The following AGPAT4 variants were observed in gnomAD, a reference collection of about 807,000 sequenced individuals.
The protein encoded by AGPAT4 is 1-acyl-sn-glycerol-3-phosphate acyltransferase delta.
Under a neutral mutation model 48.0 loss-of-function variants are expected in AGPAT4, and 15 were observed. That is an observed-to-expected ratio of 0.31 (90% confidence interval 0.21 to 0.48). The LOEUF (loss-of-function observed/expected upper bound fraction) is 0.48. Among genes scored for constraint, AGPAT4 ranks in the 20% least tolerant of loss-of-function variants. The probability of loss-of-function intolerance (pLI) is 0.99; values close to 1 mark genes in which losing one functional copy is unlikely to be tolerated. For missense variants in AGPAT4, 314 were observed against 482.5 expected, an observed-to-expected ratio of 0.65 and a Z score of 3.27; for synonymous variants, 178 against 198.7, an observed-to-expected ratio of 0.90 and a Z score of 0.88.
chr6:161,153,191 C>A (rs1330560392), intron 5 of AGPAT4, among the ~76,000 whole-genome samples, 155 bp downstream of exon 5: 2 of 152,230 alleles, frequency 1.3e-5, no homozygotes, highest in Non-Finnish European at 2.9e-5. Context: ...GACCTTGGTT[C>A]CCAGTCACAG....
chr6:161,265,659 C>G lies in AGPAT4; in HGVS notation c.-90+8279G>C, dbSNP rs540167115. ...CTTGAGATATGTTAATCTGTTCACT[C>G]CAGAGAGGTTTGGAAAAGGAGGCTC... On this transcript the variant is annotated intron_variant, in intron 1 of 8. Coordinates refer to ENST00000320285, the MANE Select transcript of AGPAT4 (RefSeq NM_020133.3). Among the ~76,000 whole-genome samples the G allele has an allele frequency of 2.0e-5, 3 of 152,212 alleles. No homozygotes were observed. The South Asian group carries it at 6.2e-4, about 32-fold the overall frequency.
Position 161,205,795 on chromosome 6 carries a change from C to T in AGPAT4, c.178+26241G>A, listed in dbSNP as rs527732859. Among the ~76,000 whole-genome samples, 246 of 151,726 alleles carry T rather than the reference C, an allele frequency of 1.6e-3. 9 individuals are homozygous for T. In the South Asian group the frequency reaches 0.048, roughly 30 times the overall value. ...ACATGCCAACATAAAACCTTTTATT[C>T]TTTTTTGATCTTCTTTTCAGAGTTG... On this transcript the variant is annotated intron_variant, in intron 2 of 8. Coordinates refer to ENST00000320285, the MANE Select transcript of AGPAT4 (RefSeq NM_020133.3).
intron 2 of AGPAT4, among the ~76,000 whole-genome samples, chr6:161,173,114 G>A (rs1193780319): frequency 6.6e-6 from 1 of 152,202 alleles, no homozygotes; most frequent in Non-Finnish European, 1.5e-5. Flanking sequence ...ATGTGTACAT[G>A]TGTCTTTATA....
rs185245541 is a variant in AGPAT4 at position 161,196,468 on chromosome 6, G to T, written c.179-30051C>A. On this transcript the variant is annotated intron_variant, in intron 2 of 8. Coordinates refer to ENST00000320285, the MANE Select transcript of AGPAT4 (RefSeq NM_020133.3). This position sits in a 1 kb window ranked among gnomAD's most constrained non-coding sequence, Gnocchi z 4.3. ...ATAGGTCTGAAGCAACAGAGTTAGG[G>T]CAAAGACTAGAGTTACAAGTCACAG... Among the ~76,000 whole-genome samples the T allele has an allele frequency of 1.6e-4, 24 of 152,184 alleles. No homozygotes were observed.
rs978802494 is a variant in AGPAT4 at position 161,184,730 on chromosome 6, T to C, written c.179-18313A>G. On this transcript the variant is annotated intron_variant, in intron 2 of 8. Coordinates refer to ENST00000320285, the MANE Select transcript of AGPAT4 (RefSeq NM_020133.3). The surrounding 1 kb of genome is among the most constrained non-coding windows in gnomAD (Gnocchi z 4.8). The stretch of plus-strand genomic sequence containing the variant: ...TTTACCTGCCAGGTTTCCACCCATC[T>C]GGGCACTTGGCAAGACTAGAAATCT... Among the ~76,000 whole-genome samples, 1 of 152,156 alleles carries C rather than the reference T, an allele frequency of 6.6e-6. No individual in the cohort carries two copies. Among genetic ancestry groups the C allele is most frequent in the Non-Finnish European group, 1.5e-5 (1 of 68,030 alleles).
rs1298628782 is a variant in AGPAT4, at chr6:161,215,997, C to T, written c.178+16039G>A. On this transcript the variant is annotated intron_variant, in intron 2 of 8. Transcript: ENST00000320285. The surrounding 1 kb of genome is among the most constrained non-coding windows in gnomAD (Gnocchi z 4.5). Reference sequence around the variant, plus strand: ...CTAGAGCTGGAAAGCTGTCCAGGCTCACACATACTTGCCTCTCTTAACCGC... The same window carrying T: ...CTAGAGCTGGAAAGCTGTCCAGGCTTACACATACTTGCCTCTCTTAACCGC... Among the ~76,000 whole-genome samples, 1 of 152,186 alleles carries T rather than the reference C, an allele frequency of 6.6e-6. No individual in the cohort carries two copies. Among genetic ancestry groups the T allele is most frequent in the East Asian group, 1.9e-4 (1 of 5,182 alleles).
In AGPAT4 at chr6:161,158,872, C is replaced by T. The variant is rs1158670238; in HGVS notation, c.349-4562G>A. ...ATCCTGCTCCTGCACCGCCTCCACC[C>T]CCACTAACACCAGCAAGGAACCCCT... is the stretch of plus-strand genomic sequence containing the variant. On this transcript the variant is annotated intron_variant, in intron 3 of 8. Transcript: ENST00000320285. This position sits in a 1 kb window ranked among gnomAD's most constrained non-coding sequence, Gnocchi z 5.3. 6.6e-6 allele frequency among the ~76,000 whole-genome samples: 1 copy of T among 152,198 alleles called. No individual in the cohort carries two copies. The highest frequency in any genetic ancestry group is 1.5e-5 in the Non-Finnish European group (1 of 68,024).
At position 161,149,170 on chromosome 6, in the gene AGPAT4, G is replaced by T. The variant is rs1779519738; in HGVS notation, c.767+17C>A. ...AATGGGCACTGTCTTTTCTGGAAAG[G>T]AAACAGTTCGACTTACCTAACATAC... On this transcript the variant is annotated intron_variant, in intron 6 of 8. Transcript: ENST00000320285. This position sits in a 1 kb window ranked among gnomAD's most constrained non-coding sequence, Gnocchi z 6.5. 1.2e-6 allele frequency: 2 copies of T among 1,608,418 alleles called. No homozygotes were observed. The highest frequency in any genetic ancestry group is 2.7e-5 in the African/African-American group (2 of 74,688).
At position 161,272,705 on chromosome 6, in the gene AGPAT4, A is replaced by AACGCACACAC. The variant is rs10646379; in HGVS notation, c.-90+1232_-90+1233insGTGTGTGCGT. ...TCCCTGCCCGCCTCCCATTTCCCTA[A>AACGCACACAC]ACACACACACACACACACACACACA... On this transcript the variant is annotated intron_variant, in intron 1 of 8. Coordinates refer to ENST00000320285, the MANE Select transcript of AGPAT4 (RefSeq NM_020133.3). The surrounding 1 kb of genome is among the most constrained non-coding windows in gnomAD (Gnocchi z 4.2). Among the ~76,000 whole-genome samples, 7 of 147,084 alleles carry AACGCACACAC rather than the reference A, an allele frequency of 4.8e-5. No individual in the cohort carries two copies. The highest frequency in any genetic ancestry group is 1.8e-4 in the African/African-American group (7 of 39,804).
intron 2 of AGPAT4, among the ~76,000 whole-genome samples, chr6:161,193,818 T>C (rs1199014496): frequency 6.6e-6 from 1 of 152,274 alleles, no homozygotes; most frequent in Non-Finnish European, 1.5e-5. Context: ...TTGCCTGGTA[T>C]GTCCTTACTA....
rs956725378 is a variant in AGPAT4 at position 161,233,896 on chromosome 6, C to T, written c.-89-1594G>A. ...TAAGGCTCCTATGAATCCCACAAGA[C>T]GAGTATTCTTATCATCCCACTTTTC... On this transcript the variant is annotated intron_variant, in intron 1 of 8. Transcript: ENST00000320285. The surrounding 1 kb of genome is among the most constrained non-coding windows in gnomAD (Gnocchi z 5.4). 7.2e-5 allele frequency among the ~76,000 whole-genome samples: 11 copies of T among 152,316 alleles called. No homozygotes were observed. The highest frequency in any genetic ancestry group is 4.1e-4 in the South Asian group (2 of 4,828).
intron 1 of AGPAT4, among the ~76,000 whole-genome samples, chr6:161,258,798 A>AT (rs11393554): frequency 0.21 from 30,876 of 144,134 alleles, 7,177 homozygotes; most frequent in African/African-American, 0.58. Context: ...CAAGCATTTA[A>AT]TTTTTTTTTT....
chr6:161,215,913 G>A lies in AGPAT4; in HGVS notation c.178+16123C>T, dbSNP rs930973826. On this transcript the variant is annotated intron_variant, in intron 2 of 8. Coordinates refer to ENST00000320285, the MANE Select transcript of AGPAT4 (RefSeq NM_020133.3). The surrounding 1 kb of genome is among the most constrained non-coding windows in gnomAD (Gnocchi z 4.5). ...AGACATAGTCAAGTTTATCTATGCC[G>A]GCAAGCAAAACTCTTCGCATGCACC... Among the ~76,000 whole-genome samples the A allele has an allele frequency of 2.0e-5, 3 of 152,000 alleles. No individual in the cohort carries two copies. Among genetic ancestry groups the A allele is most frequent in the Non-Finnish European group, 2.9e-5 (2 of 68,010 alleles).
At chr6:161,186,033 T>G (rs1235812340) in intron 2 of AGPAT4, among the ~76,000 whole-genome samples, 1 of 152,158 alleles carries the variant, frequency 6.6e-6, no homozygotes, top group Admixed American at 6.5e-5. Context: ...TAGTGAGAAA[T>G]TCTCGAAATC....
rs1422285904 is a variant in AGPAT4, at chr6:161,204,148, T to C, written c.178+27888A>G. Among the ~76,000 whole-genome samples, 1 of 152,224 alleles carries C rather than the reference T, an allele frequency of 6.6e-6. No individual in the cohort carries two copies. Reference sequence around the variant, plus strand: ...TCAGGAATGTGTGCTTAAAAAAACTTAAATTTTTCTCAGTTGCATTTAGAG... The same window carrying C: ...TCAGGAATGTGTGCTTAAAAAAACTCAAATTTTTCTCAGTTGCATTTAGAG... On this transcript the variant is annotated intron_variant, in intron 2 of 8. Coordinates refer to ENST00000320285, the MANE Select transcript of AGPAT4 (RefSeq NM_020133.3). The surrounding 1 kb of genome is among the most constrained non-coding windows in gnomAD (Gnocchi z 4.4).
In AGPAT4 at chr6:161,143,633, T is replaced by C. The variant is rs1175043302; in HGVS notation, c.843+2891A>G. 3.9e-5 allele frequency among the ~76,000 whole-genome samples: 6 copies of C among 152,196 alleles called. No individual in the cohort carries two copies. Among genetic ancestry groups the C allele is most frequent in the Admixed American group, 3.9e-4 (6 of 15,280 alleles). On this transcript the variant is annotated intron_variant, in intron 7 of 8. Coordinates refer to ENST00000320285, the MANE Select transcript of AGPAT4 (RefSeq NM_020133.3). This position sits in a 1 kb window ranked among gnomAD's most constrained non-coding sequence, Gnocchi z 4.7. ...GTCCACAGAAGATCACACAAGGGCA[T>C]GAATGGTTTCTCAAAGCCTTCCAAC...
At chr6:161,268,326 C>A (rs555677409) in intron 1 of AGPAT4, among the ~76,000 whole-genome samples, 1 of 152,188 alleles carries the variant, frequency 6.6e-6, no homozygotes, top group South Asian at 2.1e-4. Context: ...TCATCTCCTA[C>A]AAGAATTTCT....
chr6:161,162,291 G>A lies in AGPAT4; in HGVS notation c.348+3957C>T, dbSNP rs148736637. Reference sequence around the variant, plus strand: ...ACCCTACCCCACATCCCTGGGGCACGGGCGGTGCTTACTGATCCACTTCCA... The same window carrying A: ...ACCCTACCCCACATCCCTGGGGCACAGGCGGTGCTTACTGATCCACTTCCA... On this transcript the variant is annotated intron_variant, in intron 3 of 8. Coordinates refer to ENST00000320285, the MANE Select transcript of AGPAT4 (RefSeq NM_020133.3). Among the ~76,000 whole-genome samples the A allele has an allele frequency of 3.7e-3, 567 of 152,336 alleles. 6 individuals carry two copies. Among genetic ancestry groups the A allele is most frequent in the African/African-American group, 0.013 (539 of 41,576 alleles).
intron 2 of AGPAT4, among the ~76,000 whole-genome samples, chr6:161,211,460 T>C (rs558600802): frequency 9.2e-5 from 14 of 152,242 alleles, no homozygotes; most frequent in African/African-American, 3.1e-4. Context: ...GAGGTTTCTT[T>C]GGCAAGAAAG....
Sources: gnomAD v4.1 joint callset for allele counts (sites outside exome capture counted in the v4.1 genomes callset) on GRCh38, gnomAD v4.1.1 for gene constraint, Gnocchi (gnomAD v3.1) non-coding constraint, MANE v1.5 for transcripts, NCBI Gene and HGNC (gene_info 2026-07-23, HGNC 2026-07-21) for gene names.